Variants in ARHGAP10 observed in about 807,000 individuals in gnomAD.
ARHGAP10 encodes Rho GTPase activating protein 10.
In ARHGAP10, 87 loss-of-function variants were observed where a neutral mutation model predicts 108.6. The observed-to-expected ratio is 0.80, with a 90% CI of 0.67 to 0.96. The LOEUF is 0.96. Ranked by LOEUF, ARHGAP10 falls within the 40% of genes least tolerant of loss-of-function variation. The pLI is 0.00. For missense variants in ARHGAP10, 939 were observed against 954.5 expected (o/e 0.98, Z 0.21); for synonymous variants, 347 against 341.1 (o/e 1.02, Z -0.19).
At chr4:148,040,953 A>G (rs1728610408) in intron 19 of ARHGAP10, among the ~76,000 whole-genome samples, 1 of 152,112 alleles carries the variant, frequency 6.6e-6, no homozygotes, top group African/African-American at 2.4e-5. Flanking sequence ...TCTCAGCAAA[A>G]CTTTCTTTTG....
intron 1 of ARHGAP10, among the ~76,000 whole-genome samples, chr4:147,777,319 C>T (rs1466840084): frequency 2.7e-5 from 4 of 149,908 alleles, no homozygotes; most frequent in Non-Finnish European, 4.4e-5. Context: ...AGTGCAGTGG[C>T]GCGATTTCGG....
chr4:147,826,293 G>C (rs1360203933), intron 3 of ARHGAP10, among the ~76,000 whole-genome samples: 1 of 152,214 alleles, frequency 6.6e-6, no homozygotes, highest in African/African-American at 2.4e-5. Flanking sequence ...ATGGTTTGCA[G>C]AGCTGTTGTT....
chr4:147,780,962 C>G (rs139725305), intron 1 of ARHGAP10, among the ~76,000 whole-genome samples: 1 of 152,044 alleles, frequency 6.6e-6, no homozygotes, highest in Non-Finnish European at 1.5e-5. Flanking sequence ...TGAGAGAAGA[C>G]GCTCCAGAGA....
At chr4:147,864,028 T>A (rs895502327) in intron 5 of ARHGAP10, 3 of 152,240 alleles carry the variant, frequency 2.0e-5, no homozygotes, top group African/African-American at 7.2e-5. Flanking sequence ...ATTGGCCTTT[T>A]GTATATCCTC....
In ARHGAP10 at chr4:147,784,805, T is replaced by TAATATATTATAAAATATATATTATA. The variant is rs1560756889; in HGVS notation, c.155-37840_155-37816dup. Among the ~76,000 whole-genome samples the TAATATATTATAAAATATATATTATA allele has an allele frequency of 6.1e-3, 44 of 7,184 alleles. 3 individuals are homozygous for TAATATATTATAAAATATATATTATA. The highest frequency in any genetic ancestry group is 0.027 in the Non-Finnish European group (16 of 600). 4.7% of individuals were successfully genotyped at this position (7,184 alleles called of 152,430 possible). On this transcript the variant is annotated intron_variant, in intron 1 of 22. Transcript: ENST00000336498. ...TATTATAAAATATATATTATAAATA[T>TAATATATTATAAAATATATATTATA]AATATATTATAAAATATATATTATA...
At chr4:147,903,999 T>C (rs899552684) in intron 10 of ARHGAP10, among the ~76,000 whole-genome samples, 8 of 152,214 alleles carry the variant, frequency 5.3e-5, no homozygotes, top group African/African-American at 1.9e-4. Context: ...GATTGCTGTG[T>C]CCTACAGTAA....
chr4:148,047,243 C>G (rs1043401495), intron 20 of ARHGAP10, among the ~76,000 whole-genome samples, 192 bp downstream of exon 20: 4 of 152,106 alleles, frequency 2.6e-5, no homozygotes, highest in African/African-American at 9.7e-5. Context: ...GTCTGTGTTT[C>G]TAGTATGGAA....
At chr4:147,835,062 G>A (rs573764502) in intron 3 of ARHGAP10, among the ~76,000 whole-genome samples, 63 of 152,194 alleles carry the variant, frequency 4.1e-4, no homozygotes, top group African/African-American at 1.4e-3. Flanking sequence ...TAGAAATGCT[G>A]TTCTTTAAAT....
chr4:147,962,600 C>T (rs1052279304), intron 16 of ARHGAP10, among the ~76,000 whole-genome samples: 3 of 152,106 alleles, frequency 2.0e-5, no homozygotes. Flanking sequence ...TAGGATGTCC[C>T]CCCATCATAA....
At chr4:147,755,060 C>T (rs937204811) in intron 1 of ARHGAP10, among the ~76,000 whole-genome samples, 2 of 147,590 alleles carry the variant, frequency 1.4e-5, no homozygotes, top group Admixed American at 6.8e-5. Context: ...ACAGTCTGGG[C>T]GACAAGAGTG....
chr4:147,802,674 A>C (rs547521732), intron 1 of ARHGAP10, among the ~76,000 whole-genome samples: 1 of 152,348 alleles, frequency 6.6e-6, no homozygotes, highest in African/African-American at 2.4e-5. Context: ...TGTAACTTCT[A>C]CTTACACTGG....
intron 1 of ARHGAP10, chr4:147,745,523 G>A (rs1427520997): frequency 1.9e-5 from 3 of 155,454 alleles, no homozygotes; most frequent in Admixed American, 6.5e-5. Flanking sequence ...ACGGAGTCTC[G>A]CTGTGTCACC....
chr4:147,790,981 T>C (rs1731093295), intron 1 of ARHGAP10, among the ~76,000 whole-genome samples: 1 of 152,170 alleles, frequency 6.6e-6, no homozygotes, highest in Non-Finnish European at 1.5e-5. Context: ...GGATTTGGGA[T>C]GTTTCATTGC....
chr4:147,979,067 C>G (rs960915989), intron 18 of ARHGAP10, among the ~76,000 whole-genome samples: 5 of 151,996 alleles, frequency 3.3e-5, no homozygotes, highest in African/African-American at 1.2e-4. Context: ...GATTAAGTCC[C>G]GTTTGTCTGT....
chr4:147,828,173 A>G (rs1424463416), intron 3 of ARHGAP10, among the ~76,000 whole-genome samples: 1 of 152,218 alleles, frequency 6.6e-6, no homozygotes, highest in Non-Finnish European at 1.5e-5. Flanking sequence ...GCAGCATAAT[A>G]TTAATAATTG....
At chr4:147,759,425 A>G (rs1729505420) in intron 1 of ARHGAP10, among the ~76,000 whole-genome samples, 1 of 152,148 alleles carries the variant, frequency 6.6e-6, no homozygotes, top group African/African-American at 2.4e-5. Flanking sequence ...ATTAAAAAAC[A>G]GGTGAAGGTG....
chr4:148,022,050 A>T (rs6856145), intron 18 of ARHGAP10, among the ~76,000 whole-genome samples: 1 of 152,072 alleles, frequency 6.6e-6, no homozygotes, highest in Non-Finnish European at 1.5e-5. Flanking sequence ...GTTGTTCAGC[A>T]ATACACATAT....
In ARHGAP10 at chr4:147,881,843, C is replaced by A; in HGVS notation, c.945C>A (p.Asp315Glu). ...TTCAAAATGATTATTTGCAGGGGGA[C>A]GGAGAGGTGTTCTTTTTGAAAGAAT... ...FEHRSGGKLG[D>E]GEVFFLKECT... Residue 315 changes from aspartate to glutamate, a missense_variant, in exon 10 of 23, where the codon GAC becomes GAA. Physicochemically the swap from Asp to Glu is conservative, Grantham distance 45. Transcript: ENST00000336498. The A allele has an allele frequency of 1.2e-6, 2 of 1,613,500 alleles. No homozygotes were observed. Among genetic ancestry groups the A allele is most frequent in the South Asian group, 1.1e-5 (1 of 91,002 alleles).
At chr4:147,761,172 A>G (rs1348072541) in intron 1 of ARHGAP10, among the ~76,000 whole-genome samples, 2 of 151,806 alleles carry the variant, frequency 1.3e-5, no homozygotes, top group Non-Finnish European at 1.5e-5. Flanking sequence ...ATGCACCACC[A>G]TGCCCAGCTG....
Sources: allele counts gnomAD v4.1 joint callset (sites outside exome capture counted in the v4.1 genomes callset), GRCh38; gene constraint gnomAD v4.1.1; transcripts MANE v1.5; gene names NCBI Gene and HGNC (gene_info 2026-07-23, HGNC 2026-07-21).